TMEM132D: variants seen among roughly 807,000 people sequenced by gnomAD.
TMEM132D encodes the protein mature OL transmembrane protein.
Under a neutral mutation model 62.3 loss-of-function variants are expected in TMEM132D, and 21 were observed. The ratio of observed to expected loss-of-function variants is 0.34; its 90% CI spans 0.24 to 0.49. The LOEUF (loss-of-function observed/expected upper bound fraction) is 0.49. Ranked by LOEUF, TMEM132D falls within the 20% of genes least tolerant of loss-of-function variation. TMEM132D has a pLI of 0.99. For missense variants in TMEM132D, 1,346 were observed against 1,402.8 expected (o/e 0.96, Z 0.65); for synonymous variants, 621 against 575.6 (o/e 1.08, Z -1.13).
intron 1 of TMEM132D, among the ~76,000 whole-genome samples, chr12:129,836,317 G>C (rs370334764): frequency 7.0e-6 from 1 of 143,254 alleles, no homozygotes; most frequent in Non-Finnish European, 1.6e-5. Context: ...GACCTCTGCA[G>C]ACATTTGGAG....
chr12:129,787,508 G>A (rs562473921), intron 1 of TMEM132D, among the ~76,000 whole-genome samples: 1 of 152,182 alleles, frequency 6.6e-6, no homozygotes, highest in Non-Finnish European at 1.5e-5. Context: ...TCTACAGAAA[G>A]AGCGAAGTTT....
intron 3 of TMEM132D, among the ~76,000 whole-genome samples, chr12:129,516,791 C>T (rs1566095125): frequency 6.6e-6 from 1 of 152,202 alleles, no homozygotes; most frequent in Non-Finnish European, 1.5e-5. Flanking sequence ...TGTGGATTGA[C>T]TCCTTATAGT....
At chr12:129,271,554 T>C (rs959435236) in intron 4 of TMEM132D, among the ~76,000 whole-genome samples, 16 of 151,500 alleles carry the variant, frequency 1.1e-4, no homozygotes, top group Admixed American at 2.0e-4. Context: ...ATGCTCTCCC[T>C]CCCCTTGCCC....
chr12:129,302,937 C>T (rs1881758342), intron 4 of TMEM132D, among the ~76,000 whole-genome samples: 1 of 152,206 alleles, frequency 6.6e-6, no homozygotes, highest in Non-Finnish European at 1.5e-5. Flanking sequence ...GTTTTCCTTG[C>T]TGTAAGGCTC....
chr12:129,209,701 C>T (rs1286078621), intron 4 of TMEM132D, 38 bp from the exon 5 acceptor site: 1 of 1,611,220 alleles, frequency 6.2e-7, no homozygotes, highest in East Asian at 2.2e-5. Flanking sequence ...ACATCCCCTC[C>T]TGAGACGGCC....
chr12:129,679,019 T>TA (rs1260178513), intron 2 of TMEM132D, among the ~76,000 whole-genome samples: 2 of 151,958 alleles, frequency 1.3e-5, no homozygotes, highest in Non-Finnish European at 2.9e-5. Context: ...TATTATTTTA[T>TA]AAAAAATTAT....
chr12:129,834,262 C>T (rs2137337186), intron 1 of TMEM132D, among the ~76,000 whole-genome samples: 1 of 152,202 alleles, frequency 6.6e-6, no homozygotes, highest in East Asian at 1.9e-4. Flanking sequence ...CTTAGAAATT[C>T]TAGGGGCTTG....
Position 129,430,040 on chromosome 12 carries a change from C to T in TMEM132D, c.1116-92223G>A, listed in dbSNP as rs149733546. On this transcript the variant is annotated intron_variant, in intron 3 of 8. Coordinates refer to ENST00000422113, the MANE Select transcript of TMEM132D (RefSeq NM_133448.3). ...CTATTGTGAATAGTGCCACTATAAA[C>T]ATACGTGTGTATGTGTCTTTATAGC... Among the ~76,000 whole-genome samples, 284 of 152,242 alleles carry T rather than the reference C, an allele frequency of 1.9e-3. 2 individuals carry two copies. Among genetic ancestry groups the T allele is most frequent in the African/African-American group, 6.5e-3 (271 of 41,550 alleles).
intron 3 of TMEM132D, among the ~76,000 whole-genome samples, chr12:129,490,868 A>T (rs1874769754): frequency 6.6e-6 from 1 of 151,914 alleles, no homozygotes; most frequent in Middle Eastern, 3.4e-3. Flanking sequence ...GTTTGCCACG[A>T]CGCCATCCTC....
chr12:129,110,433 C>T (rs1465449585), intron 5 of TMEM132D: 2 of 152,128 alleles, frequency 1.3e-5, no homozygotes, highest in East Asian at 3.8e-4. Flanking sequence ...GAGTGAGTCA[C>T]GCTTAAGCCT....
chr12:129,296,579 T>C (rs4760028), intron 4 of TMEM132D, among the ~76,000 whole-genome samples: 83,103 of 151,986 alleles, frequency 0.55, 23,610 homozygotes, highest in East Asian at 0.99. Flanking sequence ...AATCTGGATA[T>C]AGGCTGTAAT....
intron 5 of TMEM132D, among the ~76,000 whole-genome samples, chr12:129,169,238 G>A (rs1877648260): frequency 6.6e-6 from 1 of 151,996 alleles, no homozygotes; most frequent in Non-Finnish European, 1.5e-5. Context: ...TGGTCTGGGG[G>A]TCCTGCTCTG....
intron 4 of TMEM132D, among the ~76,000 whole-genome samples, chr12:129,274,650 T>G (rs909468951): frequency 6.6e-6 from 1 of 151,804 alleles, no homozygotes; most frequent in Non-Finnish European, 1.5e-5. Flanking sequence ...ACTTTGGGAG[T>G]CTGAGGCGGG....
At chr12:129,612,465 C>G (rs1443720130) in intron 2 of TMEM132D, among the ~76,000 whole-genome samples, 2 of 152,142 alleles carry the variant, frequency 1.3e-5, no homozygotes, top group Non-Finnish European at 1.5e-5. Flanking sequence ...ATAAAAAATC[C>G]TGTTAAAACT....
chr12:129,516,676 T>C (rs1258785450), intron 3 of TMEM132D, among the ~76,000 whole-genome samples: 1 of 152,144 alleles, frequency 6.6e-6, no homozygotes, highest in Non-Finnish European at 1.5e-5. Flanking sequence ...GAGATTTGAA[T>C]TGCCAAACCA....
chr12:129,309,461 A>G (rs1881920693), intron 4 of TMEM132D, among the ~76,000 whole-genome samples: 2 of 152,154 alleles, frequency 1.3e-5, no homozygotes, highest in Non-Finnish European at 2.9e-5. Context: ...TTTCTCTTTT[A>G]TAATAATACA....
At chr12:129,387,793 CAAT>C (rs1871155114) in intron 3 of TMEM132D, among the ~76,000 whole-genome samples, 1 of 123,628 alleles carries the variant, frequency 8.1e-6, no homozygotes, top group African/African-American at 3.1e-5. Flanking sequence ...CCAGCACTGA[CAAT>C]AATATGAACA....
intron 2 of TMEM132D, among the ~76,000 whole-genome samples, chr12:129,693,923 T>C (rs977662864): frequency 6.6e-6 from 1 of 152,096 alleles, no homozygotes; most frequent in African/African-American, 2.4e-5. Context: ...TAACACCTCT[T>C]CCCACCCGCT....
chr12:129,750,726 A>C (rs1354539330), intron 1 of TMEM132D, among the ~76,000 whole-genome samples: 1 of 152,182 alleles, frequency 6.6e-6, no homozygotes, highest in Non-Finnish European at 1.5e-5. Context: ...CAGCGGGTAC[A>C]AAGGTATAGT....
Sources: gnomAD v4.1 joint callset for allele counts (sites outside exome capture counted in the v4.1 genomes callset) on GRCh38, gnomAD v4.1.1 for gene constraint, MANE v1.5 for transcripts, NCBI Gene and HGNC (gene_info 2026-07-23, HGNC 2026-07-21) for gene names.